The following SLC4A7 variants were observed in gnomAD, a reference collection of about 807,000 sequenced individuals.
The protein encoded by SLC4A7 is solute carrier family 4 member 7, also known as sodium bicarbonate cotransporter 3.
SLC4A7 carries 51 observed loss-of-function variants against 137.6 expected under a neutral mutation model. That is an observed-to-expected ratio of 0.37 (90% CI 0.30 to 0.47). The LOEUF is 0.47. Among genes scored for constraint, SLC4A7 ranks in the 20% least tolerant of loss-of-function variants. The pLI is 1.00. For synonymous variants in SLC4A7, 542 were observed against 518.6 expected (o/e 1.05, Z -0.61); for missense variants, 1,247 against 1,525.4 (o/e 0.82, Z 3.04).
intron 1 of SLC4A7, chr3:27,456,788 A>G: frequency 2.0e-6 from 3 of 1,514,380 alleles, no homozygotes; most frequent in African/African-American, 1.4e-5. Flanking sequence ...TGCTTTGCAG[A>G]GATGAATTCT....
chr3:27,407,672 T>C (rs73046188), intron 13 of SLC4A7, among the ~76,000 whole-genome samples: 25,136 of 151,954 alleles, frequency 0.17, 2,274 homozygotes, highest in South Asian at 0.29. Flanking sequence ...TCAAAACCTC[T>C]AGTTTGGTTT....
intron 22 of SLC4A7, among the ~76,000 whole-genome samples, chr3:27,389,243 G>T (rs9849838): frequency 0.039 from 5,982 of 152,092 alleles, 135 homozygotes; most frequent in East Asian, 0.067. Context: ...AATACCTCTA[G>T]ATGGTTTTTT....
intron 1 of SLC4A7, among the ~76,000 whole-genome samples, chr3:27,479,276 C>T (rs974780299): frequency 3.3e-5 from 5 of 151,924 alleles, no homozygotes; most frequent in East Asian, 3.9e-4. Flanking sequence ...ATTAGCCAGA[C>T]GTGGTGGTGT....
In SLC4A7 at chr3:27,383,115, TGCATATAAAAGTTTTAGA is replaced by T. The variant is rs1406184319; in HGVS notation, c.3590+20_3590+37del. On this transcript the variant is annotated intron_variant, in intron 24 of 25. Coordinates refer to ENST00000454389, the MANE Select transcript of SLC4A7 (RefSeq NM_001321103.2). ...ATATGACTTATTAATACATTTGACA[TGCATATAAAAGTTTTAGA>T]GCATAAAGTCATATCTCACCTATAT... 1 of 1,112,646 alleles carries T rather than the reference TGCATATAAAAGTTTTAGA, an allele frequency of 9.0e-7. No homozygotes were observed. Among genetic ancestry groups the T allele is most frequent in the Admixed American group, 1.9e-5 (1 of 53,060 alleles). 68.9% of individuals were successfully genotyped at this position (1,112,646 alleles called of 1,614,324 possible). A position where few individuals can be genotyped will look rare whatever the true frequency, so the allele number is the denominator to read the frequency against.
Position 27,404,814 on chromosome 3 carries a change from G to A in SLC4A7, c.2075+16C>T. The A allele has an allele frequency of 6.4e-7, 1 of 1,563,532 alleles. No individual in the cohort carries two copies. The highest frequency in any genetic ancestry group is 1.2e-5 in the South Asian group (1 of 85,792). On this transcript the variant is annotated intron_variant, in intron 14 of 25. Transcript: ENST00000454389. ...ATATATAACACATGTGATAAGTAGA[G>A]AGGGCTATTACTTACCTGCAGAATT...
chr3:27,475,072 T>C (rs773289803), intron 1 of SLC4A7, among the ~76,000 whole-genome samples: 19 of 151,966 alleles, frequency 1.3e-4, no homozygotes, highest in Non-Finnish European at 4.4e-5. Context: ...ATTGCACCAC[T>C]GCACTCTGGG....
intron 7 of SLC4A7, among the ~76,000 whole-genome samples, chr3:27,427,534 TACC>T (rs2055771365): frequency 6.6e-6 from 1 of 152,078 alleles, no homozygotes. Context: ...TAATGGGAAA[TACC>T]ACTTTTTTAT....
intron 13 of SLC4A7, among the ~76,000 whole-genome samples, chr3:27,408,126 C>T (rs552457117): frequency 1.3e-5 from 2 of 152,276 alleles, no homozygotes; most frequent in South Asian, 4.1e-4. Context: ...TTCACTTAAT[C>T]ACTTTTGTCT....
intron 3 of SLC4A7, among the ~76,000 whole-genome samples, chr3:27,440,753 T>C (rs547553334): frequency 6.7e-6 from 1 of 149,584 alleles, no homozygotes; most frequent in Non-Finnish European, 1.5e-5. Flanking sequence ...AATAAATAAA[T>C]AAAAAATAGG....
In SLC4A7 at chr3:27,448,638, T is replaced by C. The variant is rs963545968; in HGVS notation, c.289+13A>G. On this transcript the variant is annotated intron_variant, in intron 3 of 25. Coordinates refer to ENST00000454389, the MANE Select transcript of SLC4A7 (RefSeq NM_001321103.2). ...GAACTTTAAACTGCTAAAGAAGAAC[T>C]GTTTTCTCTTACCATAAGAAGGAGA... 1.7e-5 allele frequency: 28 copies of C among 1,600,110 alleles called. No homozygotes were observed. Among genetic ancestry groups the C allele is most frequent in the Non-Finnish European group, 2.4e-5 (28 of 1,174,228 alleles).
chr3:27,394,452 A>C, intron 20 of SLC4A7, 66 bp downstream of exon 20: 1 of 1,363,918 alleles, frequency 7.3e-7, no homozygotes, highest in Non-Finnish European at 1.0e-6. Flanking sequence ...TTAATGTTTC[A>C]TGTTCACATA....
chr3:27,404,794 T>A (rs13063291), intron 14 of SLC4A7, 36 bp downstream of exon 14: 363,177 of 1,482,094 alleles, frequency 0.25, 47,979 homozygotes, highest in Non-Finnish European at 0.27. Flanking sequence ...ATTTCATATA[T>A]AACACATGTG....
chr3:27,377,430 T>C (rs533748744), intron 25 of SLC4A7, among the ~76,000 whole-genome samples: 1 of 152,288 alleles, frequency 6.6e-6, no homozygotes, highest in Admixed American at 6.5e-5. Flanking sequence ...TTTGCTCTTG[T>C]TGCCCAGGCT....
intron 1 of SLC4A7, among the ~76,000 whole-genome samples, chr3:27,479,659 A>G (rs1239677866): frequency 6.6e-6 from 1 of 152,214 alleles, no homozygotes; most frequent in African/African-American, 2.4e-5. Context: ...AAATTTTTCC[A>G]AACTGCAAAA....
chr3:27,395,469 A>T (rs910268896), intron 18 of SLC4A7, among the ~76,000 whole-genome samples: 2 of 152,176 alleles, frequency 1.3e-5, no homozygotes, highest in African/African-American at 4.8e-5. Flanking sequence ...TTCTTCTCTA[A>T]CCTGCTTTGA....
chr3:27,401,503 T>C (rs542521205), intron 15 of SLC4A7, among the ~76,000 whole-genome samples: 1 of 152,096 alleles, frequency 6.6e-6, no homozygotes, highest in African/African-American at 2.4e-5. Flanking sequence ...GTAATAATCA[T>C]GAATGTTCCA....
At chr3:27,478,512 A>C (rs1158122400) in intron 1 of SLC4A7, among the ~76,000 whole-genome samples, 5 of 66,636 alleles carry the variant, frequency 7.5e-5, no homozygotes, top group African/African-American at 4.1e-4. Context: ...AGACTGCCTC[A>C]AAAAAAAAAA....
intron 3 of SLC4A7, among the ~76,000 whole-genome samples, chr3:27,443,691 TTTGAATGTTAG>T (rs958388163): frequency 1.3e-5 from 2 of 152,324 alleles, no homozygotes; most frequent in Admixed American, 6.5e-5. Flanking sequence ...ATCTAACAAA[TTTGAATGTTAG>T]TCCTCACTCT....
chr3:27,445,887 G>A (rs1416806542), intron 3 of SLC4A7, among the ~76,000 whole-genome samples: 1 of 124,904 alleles, frequency 8.0e-6, no homozygotes. Context: ...AGCTGAGATC[G>A]TGCCACCGCA....
Sources: allele counts gnomAD v4.1 joint callset (sites outside exome capture counted in the v4.1 genomes callset), GRCh38; gene constraint gnomAD v4.1.1; transcripts MANE v1.5; gene names NCBI Gene and HGNC (gene_info 2026-07-23, HGNC 2026-07-21).